KIF6: variants seen among roughly 807,000 people sequenced by gnomAD.
KIF6 encodes the protein kinesin family member 6, also known as kinesin-like protein KIF6.
In KIF6, 106 loss-of-function variants were observed where a neutral mutation model predicts 112.7. The ratio of observed to expected loss-of-function variants is 0.94; its 90% CI spans 0.80 to 1.11. The LOEUF is 1.11. Ranked by LOEUF, KIF6 falls within the 50% of genes least tolerant of loss-of-function variation. KIF6 has a pLI of 0.00. For missense variants in KIF6, 929 were observed against 964.0 expected, an observed-to-expected ratio of 0.96 and a Z score of 0.48; for synonymous variants, 339 against 339.9, an observed-to-expected ratio of 1.00 and a Z score of 0.03.
chr6:39,594,505 C>T (rs1379538551), intron 7 of KIF6, among the ~76,000 whole-genome samples: 1 of 152,192 alleles, frequency 6.6e-6, no homozygotes. Context: ...AATGCTGACT[C>T]TTGTTAAAAA....
At chr6:39,710,874 A>C (rs1446197437) in intron 3 of KIF6, among the ~76,000 whole-genome samples, 2 of 151,950 alleles carry the variant, frequency 1.3e-5, no homozygotes, top group Non-Finnish European at 2.9e-5. Flanking sequence ...AAATTCAAAA[A>C]ATTAGCCGAG....
At chr6:39,423,908 A>T (rs1213907185) in intron 14 of KIF6, among the ~76,000 whole-genome samples, 4 of 152,150 alleles carry the variant, frequency 2.6e-5, no homozygotes, top group Non-Finnish European at 5.9e-5. Context: ...CTGCAATCGC[A>T]CTGCCTGTCC....
In KIF6 at chr6:39,437,978, A is replaced by T. The variant is rs1031478024; in HGVS notation, c.1646-6817T>A. 3.0e-4 allele frequency among the ~76,000 whole-genome samples: 45 copies of T among 149,962 alleles called. 1 individual carries two copies. The highest frequency in any genetic ancestry group is 9.4e-4 in the African/African-American group (38 of 40,304). On this transcript the variant is annotated intron_variant, in intron 13 of 22. Coordinates refer to ENST00000287152, the MANE Select transcript of KIF6 (RefSeq NM_145027.6). ...TTACTATACTTTATTTATTTATTTA[A>T]TTATTTATTTATTTTTGAGACAGAG...
At chr6:39,716,263 C>T (rs1282942907) in intron 2 of KIF6, among the ~76,000 whole-genome samples, 1 of 46,078 alleles carries the variant, frequency 2.2e-5, no homozygotes, top group Admixed American at 2.5e-4. Flanking sequence ...GTACCAGTCA[C>T]TTCTAACAAG....
At chr6:39,483,225 G>T (rs568901893) in intron 13 of KIF6, among the ~76,000 whole-genome samples, 2 of 152,240 alleles carry the variant, frequency 1.3e-5, no homozygotes, top group African/African-American at 4.8e-5. Flanking sequence ...CAAAATATAG[G>T]CAGTCTGAAG....
chr6:39,432,203 T>C (rs1403124600), intron 13 of KIF6, among the ~76,000 whole-genome samples: 1 of 152,170 alleles, frequency 6.6e-6, no homozygotes, highest in African/African-American at 2.4e-5. Context: ...TAGTTTTTTG[T>C]TTGTTTGTTT....
intron 15 of KIF6, among the ~76,000 whole-genome samples, chr6:39,408,863 C>T (rs901901710): frequency 3.3e-5 from 5 of 152,040 alleles, no homozygotes; most frequent in Admixed American, 3.3e-4. Context: ...AACCCACCAC[C>T]CCAATGAATC....
chr6:39,385,756 G>C, intron 15 of KIF6, 84 bp from the exon 16 acceptor site: 68 of 501,212 alleles, frequency 1.4e-4, no homozygotes, highest in East Asian at 1.0e-4. Context: ...GCAAGCTACA[G>C]AAAAAAAAAA....
intron 16 of KIF6, among the ~76,000 whole-genome samples, chr6:39,375,024 T>G (rs1256298722): frequency 1.3e-5 from 2 of 152,204 alleles, no homozygotes; most frequent in Non-Finnish European, 2.9e-5. Flanking sequence ...TGGAATACTA[T>G]TAACCCTTAA....
chr6:39,573,848 G>C (rs6905995), intron 10 of KIF6, among the ~76,000 whole-genome samples: 36,397 of 152,114 alleles, frequency 0.24, 5,190 homozygotes, highest in African/African-American at 0.38. Context: ...ACTAAATTAT[G>C]AGTTTCTTGA....
intron 22 of KIF6, 111 bp from the exon 23 acceptor site, chr6:39,336,659 G>C: frequency 1.1e-6 from 1 of 924,578 alleles, no homozygotes; most frequent in Non-Finnish European, 1.8e-6. Context: ...TGGGTCTTGG[G>C]CACTGCATCT....
intron 5 of KIF6, among the ~76,000 whole-genome samples, chr6:39,615,147 T>A (rs1421549617): frequency 1.3e-5 from 2 of 151,190 alleles, no homozygotes; most frequent in African/African-American, 2.4e-5. Context: ...TCCTCCAGTC[T>A]GGGAGACGGA....
chr6:39,623,750 A>G (rs1783944841), intron 5 of KIF6, among the ~76,000 whole-genome samples: 1 of 152,192 alleles, frequency 6.6e-6, no homozygotes, highest in Admixed American at 6.5e-5. Context: ...TTAACTGTGG[A>G]ATCACACATA....
chr6:39,511,533 G>A (rs923744148), intron 13 of KIF6, among the ~76,000 whole-genome samples: 2 of 152,190 alleles, frequency 1.3e-5, no homozygotes, highest in African/African-American at 4.8e-5. Context: ...AGACAGTGTG[G>A]TGATTCCTCA....
intron 5 of KIF6, among the ~76,000 whole-genome samples, chr6:39,634,275 T>C (rs1784507292): frequency 6.6e-6 from 1 of 152,196 alleles, no homozygotes; most frequent in Admixed American, 6.6e-5. Flanking sequence ...AGCAATGTTA[T>C]ATAAATGCTG....
chr6:39,590,316 C>A (rs1296826076), intron 7 of KIF6, among the ~76,000 whole-genome samples: 1 of 151,198 alleles, frequency 6.6e-6, no homozygotes, highest in Non-Finnish European at 1.5e-5. Context: ...CTCTAGGAAA[C>A]AATATTGATG....
rs142644431 is a variant in KIF6 at position 39,715,953 on chromosome 6, G to A, written c.177-1187C>T. Among the ~76,000 whole-genome samples, 29 of 152,292 alleles carry A rather than the reference G, an allele frequency of 1.9e-4. No homozygotes were observed. The East Asian group carries it at 5.4e-3, about 28-fold the overall frequency. ...GAACTGCTTTTCAGAGCACTGTGTAGTATGAGGTCTGAGCACATATTCTCA... is the reference window on the plus strand; with the variant it reads ...GAACTGCTTTTCAGAGCACTGTGTAATATGAGGTCTGAGCACATATTCTCA... On this transcript the variant is annotated intron_variant, in intron 2 of 22. Transcript: ENST00000287152.
At chr6:39,347,672 G>T (rs1237875555) in intron 19 of KIF6, among the ~76,000 whole-genome samples, 1 of 152,224 alleles carries the variant, frequency 6.6e-6, no homozygotes, top group Non-Finnish European at 1.5e-5. Context: ...TGAGAGGCAG[G>T]CTAGGGTTAG....
At chr6:39,415,483 C>G (rs1423760804) in intron 15 of KIF6, among the ~76,000 whole-genome samples, 2 of 152,140 alleles carry the variant, frequency 1.3e-5, no homozygotes, top group African/African-American at 4.8e-5. Flanking sequence ...AGTTCTCAGG[C>G]CAGCCTGGAG....
Sources: allele counts gnomAD v4.1 joint callset (sites outside exome capture counted in the v4.1 genomes callset), GRCh38; gene constraint gnomAD v4.1.1; transcripts MANE v1.5; gene names NCBI Gene and HGNC (gene_info 2026-07-23, HGNC 2026-07-21).